Variants in GPCPD1 observed in about 807,000 individuals in gnomAD.
GPCPD1 encodes the protein glycerophosphocholine phosphodiesterase 1, also known as glycerophosphocholine phosphodiesterase GPCPD1.
In GPCPD1, 29 loss-of-function variants were observed where a neutral mutation model predicts 89.2. The ratio of observed to expected loss-of-function variants is 0.33; its 90% CI spans 0.24 to 0.44. GPCPD1 has a LOEUF of 0.44. Among genes scored for constraint, GPCPD1 ranks in the 20% least tolerant of loss-of-function variants. The probability of loss-of-function intolerance (pLI) is 1.00; values close to 1 mark genes in which losing one functional copy is unlikely to be tolerated. For synonymous variants in GPCPD1, 258 were observed against 266.3 expected (o/e 0.97, Z 0.30); for missense variants, 594 against 808.9 (o/e 0.73, Z 3.22).
chr20:5,567,888 T>A lies in GPCPD1; in HGVS notation c.1150-328A>T, dbSNP rs139415154. ...CAGTCATCTCCCCTACTTCCTGTTATGCTGTCTATACATTTTCTTTGATAC... is the reference window on the plus strand; with the variant it reads ...CAGTCATCTCCCCTACTTCCTGTTAAGCTGTCTATACATTTTCTTTGATAC... On this transcript the variant is annotated intron_variant, in intron 12 of 19. Transcript: ENST00000379019. 6.7e-3 allele frequency: 1,330 copies of A among 198,268 alleles called. 19 individuals carry two copies. Among genetic ancestry groups the A allele is most frequent in the African/African-American group, 0.028 (1,213 of 43,530 alleles). The allele number at this position is 198,268 out of a possible 1,614,324, so 12.3% of individuals were successfully genotyped here. A position where few individuals can be genotyped will look rare whatever the true frequency, so the allele number is the denominator to read the frequency against.
intron 1 of GPCPD1, among the ~76,000 whole-genome samples, chr20:5,604,838 G>C (rs1001280281): frequency 6.7e-6 from 1 of 150,126 alleles, no homozygotes; most frequent in Non-Finnish European, 1.5e-5. Context: ...TGTAGTTCCA[G>C]CTACAGATTG....
Position 5,558,827 on chromosome 20 carries a change from GAAACA to G in GPCPD1, c.1533-13_1533-9del. On this transcript the variant is annotated splice_polypyrimidine_tract_variant and intron_variant, in intron 17 of 19. Coordinates refer to ENST00000379019, the MANE Select transcript of GPCPD1 (RefSeq NM_019593.5). Reference sequence around the variant, plus strand: ...TTCTGCTTTTGCCGAACCCTGAAAAGAAACAATTTTAAAAATACCTTTCAATGGGG... The same window carrying G: ...TTCTGCTTTTGCCGAACCCTGAAAAGATTTTAAAAATACCTTTCAATGGGG... The G allele has an allele frequency of 6.5e-7, 1 of 1,547,182 alleles. No individual in the cohort carries two copies. The highest frequency in any genetic ancestry group is 8.7e-7 in the Non-Finnish European group (1 of 1,146,630).
chr20:5,609,126 C>T (rs890785599), intron 1 of GPCPD1, among the ~76,000 whole-genome samples: 2 of 152,160 alleles, frequency 1.3e-5, no homozygotes, highest in African/African-American at 4.8e-5. Context: ...ATATTTTTAG[C>T]TAAAGTGTTT....
intron 15 of GPCPD1, 71 bp from the exon 16 acceptor site, chr20:5,561,601 A>G: frequency 1.5e-6 from 1 of 679,326 alleles, no homozygotes; most frequent in Non-Finnish European, 2.6e-6. Flanking sequence ...CAAAAAAAAT[A>G]CAATTATTAC....
intron 5 of GPCPD1, 90 bp from the exon 6 acceptor site, chr20:5,584,412 TATA>T (rs1978770737): frequency 1.5e-6 from 1 of 648,238 alleles, no homozygotes; most frequent in Admixed American, 2.5e-5. Context: ...AAAGATCGTT[TATA>T]ATATTAAATC....
intron 14 of GPCPD1, among the ~76,000 whole-genome samples, chr20:5,565,518 C>T (rs536407197): frequency 1.2e-4 from 19 of 152,146 alleles, no homozygotes; most frequent in African/African-American, 4.1e-4. Context: ...AGTGAGCCAC[C>T]GTGTCCAGCC....
intron 6 of GPCPD1, among the ~76,000 whole-genome samples, chr20:5,582,196 A>C (rs1384943305): frequency 8.0e-6 from 1 of 124,810 alleles, no homozygotes; most frequent in Non-Finnish European, 1.8e-5. Context: ...CAAAAAAAAA[A>C]AAAAAAAAAA....
At chr20:5,560,901 C>T (rs1014874383) in intron 16 of GPCPD1, among the ~76,000 whole-genome samples, 1 of 152,194 alleles carries the variant, frequency 6.6e-6, no homozygotes, top group African/African-American at 2.4e-5. Flanking sequence ...TAATTGTTTT[C>T]CACAACTGAA....
intron 19 of GPCPD1, chr20:5,549,413 G>A: frequency 8.3e-7 from 1 of 1,209,722 alleles, no homozygotes; most frequent in Non-Finnish European, 1.2e-6. Context: ...CATCGTGATT[G>A]GTTATCAGTC....
At chr20:5,552,802 G>A (rs1985503223) in intron 19 of GPCPD1, among the ~76,000 whole-genome samples, 1 of 152,112 alleles carries the variant, frequency 6.6e-6, no homozygotes, top group Non-Finnish European at 1.5e-5. Context: ...ACAAAATACT[G>A]GAAGGAAAAC....
chr20:5,604,122 T>C (rs1338236875), intron 2 of GPCPD1, among the ~76,000 whole-genome samples: 1 of 152,218 alleles, frequency 6.6e-6, no homozygotes, highest in Non-Finnish European at 1.5e-5. Context: ...ATCTCTGCCC[T>C]GTGCAAAATT....
chr20:5,549,176 A>G (rs1985221947), intron 19 of GPCPD1: 1 of 664,620 alleles, frequency 1.5e-6, no homozygotes, highest in Middle Eastern at 4.6e-4. Context: ...GCTAATTTAC[A>G]TTGAACAAAC....
At chr20:5,564,967 A>C (rs1167977637) in intron 15 of GPCPD1, 50 bp downstream of exon 15, 4 of 860,274 alleles carry the variant, frequency 4.6e-6, no homozygotes, top group Non-Finnish European at 7.9e-6. Flanking sequence ...AATTATTCAT[A>C]CATGACAAAG....
Position 5,545,470 on chromosome 20 carries a change from G to T in GPCPD1, c.*2191C>A, listed in dbSNP as rs1001736517. The T allele has an allele frequency of 1.3e-5, 2 of 152,242 alleles. No individual in the cohort carries two copies. The highest frequency in any genetic ancestry group is 4.8e-5 in the African/African-American group (2 of 41,436). 9.4% of individuals were successfully genotyped at this position (152,242 alleles called of 1,614,324 possible). On this transcript the variant is annotated 3_prime_UTR_variant, in exon 20 of 20. Transcript: ENST00000379019. ...CATCCTTCCTGAAGTTTCCACAAGG[G>T]CTCAGGAGAGAGGTCTTGGGCACAA...
chr20:5,605,321 A>C (rs995879942), intron 1 of GPCPD1, among the ~76,000 whole-genome samples: 3 of 152,224 alleles, frequency 2.0e-5, no homozygotes, highest in Admixed American at 6.5e-5. Context: ...GTGGTAGAGA[A>C]GAAAAACAAC....
At chr20:5,549,005 A>T in intron 19 of GPCPD1, 6 of 731,638 alleles carry the variant, frequency 8.2e-6, no homozygotes, top group Non-Finnish European at 1.4e-5. Flanking sequence ...TTGACAAGCA[A>T]ACCTGCCGCT....
chr20:5,550,461 C>G (rs1481641409), intron 19 of GPCPD1, among the ~76,000 whole-genome samples: 1 of 152,080 alleles, frequency 6.6e-6, no homozygotes, highest in Non-Finnish European at 1.5e-5. Flanking sequence ...CATGTATTGA[C>G]AGACTAAAAG....
At chr20:5,574,146 C>T in intron 10 of GPCPD1, 177 bp from the exon 11 acceptor site, 1 of 587,166 alleles carries the variant, frequency 1.7e-6, no homozygotes, top group East Asian at 2.8e-5. Flanking sequence ...TCCTTAAATG[C>T]AAGCTCTGAC....
In GPCPD1 at chr20:5,566,713, GT is replaced by G; in HGVS notation, c.1267+19del. ...ATGCTAACTACAAAAGGAAAACAGTGTTTCCATATTGGTACATACCTTTCCG... is the reference window on the plus strand; with the variant it reads ...ATGCTAACTACAAAAGGAAAACAGTGTTCCATATTGGTACATACCTTTCCG... On this transcript the variant is annotated intron_variant, in intron 14 of 19. Transcript: ENST00000379019. The G allele has an allele frequency of 7.0e-7, 1 of 1,438,612 alleles. No homozygotes were observed. The highest frequency in any genetic ancestry group is 9.8e-7 in the Non-Finnish European group (1 of 1,021,550). The allele number at this position is 1,438,612 out of a possible 1,614,324, so 89.1% of individuals were successfully genotyped here.
Sources: gnomAD v4.1 joint callset for allele counts (sites outside exome capture counted in the v4.1 genomes callset) on GRCh38, gnomAD v4.1.1 for gene constraint, MANE v1.5 for transcripts, NCBI Gene and HGNC (gene_info 2026-07-23, HGNC 2026-07-21) for gene names.